SYT17: variants seen among roughly 807,000 people sequenced by gnomAD.
SYT17 encodes the protein synaptotagmin 17.
Under a neutral mutation model 46.7 loss-of-function variants are expected in SYT17, and 22 were observed. The ratio of observed to expected loss-of-function variants is 0.47; its 90% CI spans 0.34 to 0.67. The LOEUF is 0.67. SYT17 is among the 30% of genes least tolerant of loss of function. The probability of loss-of-function intolerance (pLI) is 0.01; values close to 1 mark genes in which losing one functional copy is unlikely to be tolerated. For synonymous variants in SYT17, 251 were observed against 248.4 expected, an observed-to-expected ratio of 1.01 and a Z score of -0.10; for missense variants, 519 against 612.8, an observed-to-expected ratio of 0.85 and a Z score of 1.62.
In SYT17 at chr16:19,266,993, CGCACA is replaced by C; in HGVS notation, c.1345_1349del (p.Thr449ArgfsTer6). The C allele has an allele frequency of 6.2e-7, 1 of 1,613,632 alleles. No individual in the cohort carries two copies. Among genetic ancestry groups the C allele is most frequent in the Non-Finnish European group, 8.5e-7 (1 of 1,179,996 alleles). On this transcript the variant is annotated frameshift_variant, in exon 8 of 8. Transcript: ENST00000355377. LOFTEE classifies it high-confidence loss of function. Reference sequence around the variant, plus strand: ...CTGGAGGCGCATGCTCAACACGCACCGCACAGCCGTGGAGCAGTGGCATAGCCTGA... The same window carrying C: ...CTGGAGGCGCATGCTCAACACGCACCGCCGTGGAGCAGTGGCATAGCCTGA...
chr16:19,203,502 A>G (rs1965548570), intron 5 of SYT17, among the ~76,000 whole-genome samples: 1 of 152,240 alleles, frequency 6.6e-6, no homozygotes, highest in African/African-American at 2.4e-5. Flanking sequence ...AGTGTGGTAC[A>G]GAAGTGATTG....
intron 5 of SYT17, among the ~76,000 whole-genome samples, chr16:19,188,513 C>CAAAAAAAAAAAAAA (rs61202540): frequency 9.1e-4 from 59 of 64,554 alleles, no homozygotes; most frequent in East Asian, 2.0e-3. Flanking sequence ...TTCAGTTCTG[C>CAAAAAAAAAAAAAA]AAAAAAAAAA....
intron 4 of SYT17, among the ~76,000 whole-genome samples, 172 bp downstream of exon 4, chr16:19,180,711 A>C (rs1031443950): frequency 6.6e-6 from 1 of 152,210 alleles, no homozygotes; most frequent in Non-Finnish European, 1.5e-5. Flanking sequence ...GGAGGGCATC[A>C]CACCTGATTG....
At chr16:19,265,293 A>G (rs1969284695) in intron 7 of SYT17, among the ~76,000 whole-genome samples, 1 of 152,238 alleles carries the variant, frequency 6.6e-6, no homozygotes. Context: ...AGGTCCACCT[A>G]TGCATACTGA....
chr16:19,211,321 T>C (rs1965891546), intron 5 of SYT17: 11 of 683,622 alleles, frequency 1.6e-5, no homozygotes, highest in Non-Finnish European at 2.4e-5. Context: ...TGACAACCCC[T>C]CTCGGCCCGT....
At chr16:19,255,611 A>ACCC (rs1968504985) in intron 7 of SYT17, among the ~76,000 whole-genome samples, 1 of 151,894 alleles carries the variant, frequency 6.6e-6, no homozygotes, top group South Asian at 2.1e-4. Context: ...ACATAGCAAG[A>ACCC]CCCCATGTCT....
chr16:19,173,861 C>T (rs1386985274), intron 3 of SYT17, among the ~76,000 whole-genome samples: 2 of 152,062 alleles, frequency 1.3e-5, no homozygotes, highest in African/African-American at 2.4e-5. Context: ...AGCGTGTGGG[C>T]GTTTTTAGTC....
At chr16:19,202,195 C>T (rs1294037017) in intron 5 of SYT17, among the ~76,000 whole-genome samples, 2 of 152,144 alleles carry the variant, frequency 1.3e-5, no homozygotes, top group African/African-American at 4.8e-5. Flanking sequence ...CTTCAGATAC[C>T]AGTCAAAAGC....
Position 19,184,075 on chromosome 16 carries a change from T to C in SYT17, c.879T>C (p.Val293=). ...KFSRHCVIGK[V]SVPLCEVDLV... ...CCCGCCACTGTGTCATTGGGAAAGT[T>C]TCTGTGCCTTTGTGTGAAGTTGACC... The change falls in exon 5 of 8, where the codon GTT becomes GTC. Residue 293 remains valine (V), a synonymous_variant. Transcript: ENST00000355377. The C allele has an allele frequency of 6.2e-7, 1 of 1,614,176 alleles. No individual in the cohort carries two copies.
intron 6 of SYT17, 63 bp downstream of exon 6, chr16:19,223,228 C>T (rs529059603): frequency 6.3e-7 from 1 of 1,581,998 alleles, no homozygotes; most frequent in African/African-American, 1.4e-5. Flanking sequence ...GTGTGGAGAA[C>T]CCAGTTTTCT....
intron 7 of SYT17, among the ~76,000 whole-genome samples, chr16:19,265,015 C>T (rs1218483875): frequency 6.6e-6 from 1 of 152,090 alleles, no homozygotes; most frequent in Non-Finnish European, 1.5e-5. Flanking sequence ...CATTTTGCCC[C>T]CAAAGAAGAA....
Position 19,173,583 on chromosome 16 carries a change from G to A in SYT17, c.182+5G>A, listed in dbSNP as rs1202713406. 1.2e-6 allele frequency: 2 copies of A among 1,612,954 alleles called. No homozygotes were observed. Among genetic ancestry groups the A allele is most frequent in the Non-Finnish European group, 1.7e-6 (2 of 1,179,722 alleles). ...TGCTCAGACCCCTCCCTGGCTGTAA[G>A]TAAAACTGCTCTGAACTTCTCTGAA... On this transcript the variant is annotated splice_donor_5th_base_variant and intron_variant, in intron 3 of 7. Transcript: ENST00000355377.
Position 19,267,343 on chromosome 16 carries a change from C to T in SYT17, c.*267C>T, listed in dbSNP as rs1046756674. 9 of 341,082 alleles carry T rather than the reference C, an allele frequency of 2.6e-5. No homozygotes were observed. The highest frequency in any genetic ancestry group is 1.3e-4 in the South Asian group (2 of 15,736). The allele number at this position is 341,082 out of a possible 1,614,324, so 21.1% of individuals were successfully genotyped here. On this transcript the variant is annotated 3_prime_UTR_variant, in exon 8 of 8. Coordinates refer to ENST00000355377, the MANE Select transcript of SYT17 (RefSeq NM_016524.4). ...AGATCACAAGCTCAGTGGGCTCTGC[C>T]GTGGGACTTATTGGCAGTGCCTGCT...
Position 19,168,712 on chromosome 16 carries a change from G to A in SYT17, c.15+51G>A. The A allele has an allele frequency of 7.0e-7, 1 of 1,429,024 alleles. No individual in the cohort carries two copies. The highest frequency in any genetic ancestry group is 9.2e-7 in the Non-Finnish European group (1 of 1,086,602). 88.5% of individuals were successfully genotyped at this position (1,429,024 alleles called of 1,614,324 possible). ...CCGGGGTGCGGGTAGGGGGTGCCGC[G>A]CCCCCTCCGGCTGGGAGCGCGCGGA... On this transcript the variant is annotated intron_variant, in intron 1 of 7. Coordinates refer to ENST00000355377, the MANE Select transcript of SYT17 (RefSeq NM_016524.4). The surrounding 1 kb of genome is among the most constrained non-coding windows in gnomAD (Gnocchi z 6.9).
chr16:19,186,866 C>T (rs900956428), intron 5 of SYT17, among the ~76,000 whole-genome samples: 4 of 151,958 alleles, frequency 2.6e-5, no homozygotes, highest in East Asian at 1.9e-4. Context: ...ATTATGTGCC[C>T]GGCATTTCTA....
intron 5 of SYT17, among the ~76,000 whole-genome samples, chr16:19,199,876 A>G (rs185884778): frequency 2.0e-5 from 3 of 152,402 alleles, no homozygotes; most frequent in Admixed American, 2.0e-4. Context: ...GACGAATAAG[A>G]TGATGATAGG....
chr16:19,218,860 C>T lies in SYT17; in HGVS notation c.952-4185C>T, dbSNP rs9745594. Among the ~76,000 whole-genome samples the T allele has an allele frequency of 4.1e-3, 627 of 152,256 alleles. 7 individuals are homozygous for T. The highest frequency in any genetic ancestry group is 0.014 in the African/African-American group (600 of 41,550). On this transcript the variant is annotated intron_variant, in intron 5 of 7. Coordinates refer to ENST00000355377, the MANE Select transcript of SYT17 (RefSeq NM_016524.4). ...TTTGAACACACTGACTGAGTGATGCCGGGTTTATTCCTCCCTCCCTCCATC... is the reference window on the plus strand; with the variant it reads ...TTTGAACACACTGACTGAGTGATGCTGGGTTTATTCCTCCCTCCCTCCATC...
chr16:19,182,194 A>G (rs4627325), intron 4 of SYT17, among the ~76,000 whole-genome samples: 1 of 152,146 alleles, frequency 6.6e-6, no homozygotes, highest in African/African-American at 2.4e-5. Flanking sequence ...GCAGGCAGAT[A>G]GCTTGAGGCC....
At chr16:19,193,531 G>A (rs1965110708) in intron 5 of SYT17, among the ~76,000 whole-genome samples, 1 of 152,224 alleles carries the variant, frequency 6.6e-6, no homozygotes, top group African/African-American at 2.4e-5. Flanking sequence ...TTAGGAAGCA[G>A]AGTCTGTGCG....
Sources: gnomAD v4.1 joint callset for allele counts (sites outside exome capture counted in the v4.1 genomes callset) on GRCh38, gnomAD v4.1.1 for gene constraint, Gnocchi (gnomAD v3.1) non-coding constraint, MANE v1.5 for transcripts, NCBI Gene and HGNC (gene_info 2026-07-23, HGNC 2026-07-21) for gene names.